The following TENM1 variants were observed in gnomAD, a reference collection of about 807,000 sequenced individuals.
TENM1 encodes the protein teneurin-1.
Under a neutral mutation model 174.8 loss-of-function variants are expected in TENM1, and 35 were observed. The ratio of observed to expected loss-of-function variants is 0.20; its 90% CI spans 0.15 to 0.27. TENM1 has a LOEUF of 0.27. Among genes scored for constraint, TENM1 ranks in the 10% least tolerant of loss-of-function variants. TENM1 has a pLI of 1.00. For synonymous variants in TENM1, 781 were observed against 798.7 expected, an observed-to-expected ratio of 0.98 and a Z score of 0.37; for missense variants, 1,633 against 2,130.1, an observed-to-expected ratio of 0.77 and a Z score of 4.59.
chrX:124,604,441 A>G (rs2050103480), intron 11 of TENM1, among the ~76,000 whole-genome samples: 1 of 111,436 alleles, frequency 9.0e-6, no homozygotes, highest in African/African-American at 3.3e-5. Context: ...CCTTCAAGGG[A>G]TAGAGTTCTT....
chrX:124,987,951 C>A, the TENM1 span, among the ~76,000 whole-genome samples: 1 of 110,917 alleles, frequency 9.0e-6, no homozygotes, highest in Non-Finnish European at 1.9e-5. Context: ...CTGCATTTTA[C>A]CAGAGTTGAA....
At chrX:125,172,997 G>A in the TENM1 span, among the ~76,000 whole-genome samples, 1 of 111,427 alleles carries the variant, frequency 9.0e-6, no homozygotes, top group Non-Finnish European at 1.9e-5. Flanking sequence ...CCACATAGCT[G>A]TAAGCAAGCT....
At chrX:124,446,696 G>A (rs924786622) in intron 23 of TENM1, among the ~76,000 whole-genome samples, 3 of 112,581 alleles carry the variant, frequency 2.7e-5, no homozygotes, top group African/African-American at 6.5e-5. Context: ...AAGGTAACAA[G>A]AAACTTTAGA....
At position 124,720,065 on chromosome X, in the gene TENM1, T is replaced by C. The variant is rs778986508; in HGVS notation, c.777-14814A>G. On this transcript the variant is annotated intron_variant, in intron 4 of 31. Transcript: ENST00000422452. ...GCAGAGTAGACTTCTATACAAGGTG[T>C]TGCATCTTGAATCTTGTCACTATAA... 8.9e-5 allele frequency among the ~76,000 whole-genome samples: 10 copies of C among 111,740 alleles called. No homozygotes were observed. The East Asian group carries it at 2.8e-3, about 32-fold the overall frequency.
intron 11 of TENM1, among the ~76,000 whole-genome samples, chrX:124,631,227 T>C (rs1032925948): frequency 9.0e-6 from 1 of 111,066 alleles, no homozygotes; most frequent in African/African-American, 3.3e-5. Flanking sequence ...ATGCAAAAAA[T>C]TACCCAAAAT....
At chrX:125,081,582 T>C in the TENM1 span, among the ~76,000 whole-genome samples, 7 of 111,182 alleles carry the variant, frequency 6.3e-5, no homozygotes, top group Non-Finnish European at 1.3e-4. Flanking sequence ...GTTATATAGA[T>C]TTTTAGCTTA....
intron 15 of TENM1, among the ~76,000 whole-genome samples, chrX:124,536,080 T>C (rs1020986725): frequency 3.6e-5 from 4 of 111,651 alleles, no homozygotes; most frequent in Non-Finnish European, 7.5e-5. Flanking sequence ...TTCCTTTATA[T>C]ATTATTATAT....
chrX:124,422,477 C>T (rs200671564), exon 24 of TENM1: 11 of 1,209,298 alleles, frequency 9.1e-6, no homozygotes, highest in Non-Finnish European at 3.4e-6. Context: ...CCTTGCTGAC[C>T]AGGAAATGAT....
At chrX:125,056,662 C>T in the TENM1 span, among the ~76,000 whole-genome samples, 5 of 110,973 alleles carry the variant, frequency 4.5e-5, no homozygotes, top group African/African-American at 1.6e-4. Flanking sequence ...ATTTTGTAAC[C>T]AGAACAGCAG....
the TENM1 span, among the ~76,000 whole-genome samples, chrX:125,126,298 T>C: frequency 9.0e-6 from 1 of 111,622 alleles, no homozygotes; most frequent in South Asian, 3.7e-4. Context: ...TATAGAAGAT[T>C]TCTGGGCTGT....
chrX:124,759,552 G>A (rs1435341375), intron 3 of TENM1, among the ~76,000 whole-genome samples: 1 of 111,303 alleles, frequency 9.0e-6, no homozygotes, highest in African/African-American at 3.3e-5. Context: ...TCCCAGTTAT[G>A]AGTGAGAATA....
intron 1 of TENM1, among the ~76,000 whole-genome samples, chrX:124,915,473 C>T (rs928488147): frequency 3.6e-5 from 4 of 111,862 alleles, no homozygotes; most frequent in Non-Finnish European, 5.6e-5. Flanking sequence ...TGTAGTGAGC[C>T]GATATCGCAC....
intron 8 of TENM1, among the ~76,000 whole-genome samples, chrX:124,649,122 G>A (rs773295642): frequency 3.6e-5 from 4 of 112,109 alleles, no homozygotes; most frequent in African/African-American, 1.3e-4. Flanking sequence ...ATTTATGTTG[G>A]CCTCCAGTAA....
chrX:125,155,017 A>G, the TENM1 span, among the ~76,000 whole-genome samples: 1 of 111,786 alleles, frequency 8.9e-6, no homozygotes. Flanking sequence ...GCGGGTTGCC[A>G]CTGCTGGCTC....
At chrX:125,004,971 T>C in the TENM1 span, among the ~76,000 whole-genome samples, 2 of 111,019 alleles carry the variant, frequency 1.8e-5, no homozygotes, top group African/African-American at 6.5e-5. Flanking sequence ...AGCAAGTTAG[T>C]GACAGAACAG....
intron 23 of TENM1, among the ~76,000 whole-genome samples, chrX:124,447,465 A>G (rs1390555358): frequency 9.0e-6 from 1 of 111,414 alleles, no homozygotes; most frequent in Non-Finnish European, 1.9e-5. Context: ...CCAGCCAAAC[A>G]TCTCAAAGAA....
intron 1 of TENM1, among the ~76,000 whole-genome samples, chrX:124,954,995 A>G (rs2058548466): frequency 9.0e-6 from 1 of 111,621 alleles, no homozygotes; most frequent in African/African-American, 3.3e-5. Flanking sequence ...TCACCACTAT[A>G]TTTTGTAATT....
chrX:125,187,436 A>G, the TENM1 span, among the ~76,000 whole-genome samples: 56 of 111,784 alleles, frequency 5.0e-4, no homozygotes, highest in African/African-American at 1.7e-3. Flanking sequence ...AGAGGTATGT[A>G]TAAGAATTTT....
chrX:125,028,034 T>C, the TENM1 span, among the ~76,000 whole-genome samples: 1 of 111,703 alleles, frequency 9.0e-6, no homozygotes, highest in African/African-American at 3.2e-5. Context: ...TTTGTGTGCC[T>C]TGAAAAACAA....
Sources: allele counts gnomAD v4.1 joint callset (sites outside exome capture counted in the v4.1 genomes callset), GRCh38; gene constraint gnomAD v4.1.1; transcripts MANE v1.5; gene names NCBI Gene and HGNC (gene_info 2026-07-23, HGNC 2026-07-21).